Variants in EML1 observed in about 807,000 individuals in gnomAD.
The protein encoded by EML1 is echinoderm microtubule-associated protein-like 1.
A neutral mutation model predicts 110.4 loss-of-function variants in EML1; 27 were observed. That is an observed-to-expected ratio of 0.24 (90% CI 0.18 to 0.34). EML1 has a LOEUF of 0.34. Ranked by LOEUF, EML1 falls within the 10% of genes least tolerant of loss-of-function variation. The probability of loss-of-function intolerance (pLI) is 1.00; values close to 1 mark genes in which losing one functional copy is unlikely to be tolerated. For synonymous variants in EML1, 344 were observed against 385.8 expected (o/e 0.89, Z 1.27); for missense variants, 741 against 1,030.9 (o/e 0.72, Z 3.85).
At chr14:99,817,492 C>T (rs931959448) in intron 1 of EML1, among the ~76,000 whole-genome samples, 1 of 152,220 alleles carries the variant, frequency 6.6e-6, no homozygotes, top group South Asian at 2.1e-4. Flanking sequence ...TGAGGCAGCC[C>T]AGGTGCCGCC....
intron 1 of EML1, among the ~76,000 whole-genome samples, chr14:99,833,298 T>C (rs2058490028): frequency 6.6e-6 from 1 of 152,264 alleles, no homozygotes; most frequent in Non-Finnish European, 1.5e-5. Flanking sequence ...TTTGTACTTT[T>C]GTTAAAAATC....
At chr14:99,900,857 T>C (rs2059751478) in intron 8 of EML1, 72 bp from the exon 9 acceptor site, 1 of 1,319,130 alleles carries the variant, frequency 7.6e-7, no homozygotes, top group African/African-American at 1.5e-5. Context: ...CCAAGTAATC[T>C]TGTAGCTTCA....
At chr14:99,797,529 T>C (rs1039417374) in intron 1 of EML1, among the ~76,000 whole-genome samples, 1 of 152,248 alleles carries the variant, frequency 6.6e-6, no homozygotes, top group African/African-American at 2.4e-5. Flanking sequence ...CAGTCTTAAC[T>C]TTTTGAAACC....
intron 1 of EML1, among the ~76,000 whole-genome samples, chr14:99,757,338 CAAAA>C (rs565061924): frequency 1.0e-5 from 1 of 96,282 alleles, no homozygotes; most frequent in African/African-American, 3.6e-5. Context: ...GACTCCATTT[CAAAA>C]AAAAAAAAAA....
chr14:99,861,864 A>G (rs902317054), intron 2 of EML1, among the ~76,000 whole-genome samples: 1 of 152,224 alleles, frequency 6.6e-6, no homozygotes, highest in Non-Finnish European at 1.5e-5. Context: ...AGGTTCCCAT[A>G]GACCCAGTAC....
At chr14:99,843,202 A>G (rs1470472170) in intron 1 of EML1, among the ~76,000 whole-genome samples, 1 of 152,212 alleles carries the variant, frequency 6.6e-6, no homozygotes, top group Non-Finnish European at 1.5e-5. Context: ...AGTGAGCTGT[A>G]ATCGCACCAC....
At chr14:99,894,551 G>A in intron 5 of EML1, 78 bp from the exon 6 acceptor site, 1 of 1,497,914 alleles carries the variant, frequency 6.7e-7, no homozygotes, top group East Asian at 2.4e-5. Flanking sequence ...ATACTGAAAG[G>A]CTAGAGAGGA....
chr14:99,871,854 A>G (rs1475090413), intron 3 of EML1, among the ~76,000 whole-genome samples: 4 of 152,202 alleles, frequency 2.6e-5, no homozygotes, highest in African/African-American at 9.6e-5. Flanking sequence ...GGTTTAGAGT[A>G]GCACACAAAC....
At chr14:99,766,492 C>A (rs907451778) in intron 1 of EML1, among the ~76,000 whole-genome samples, 1 of 152,126 alleles carries the variant, frequency 6.6e-6, no homozygotes, top group African/African-American at 2.4e-5. Context: ...CCATGTCCGG[C>A]CTAATTTTTA....
chr14:99,899,872 T>A (rs2059732234), intron 8 of EML1, among the ~76,000 whole-genome samples: 1 of 152,138 alleles, frequency 6.6e-6, no homozygotes, highest in Non-Finnish European at 1.5e-5. Context: ...TAGTTATCTT[T>A]CAGTTTACCC....
intron 6 of EML1, among the ~76,000 whole-genome samples, chr14:99,895,150 A>T (rs1400111587): frequency 3.3e-5 from 5 of 152,114 alleles, no homozygotes; most frequent in African/African-American, 9.6e-5. Context: ...ATTCTTTCCA[A>T]AAGAATGACA....
chr14:99,775,818 T>C (rs749924894), intron 1 of EML1, among the ~76,000 whole-genome samples: 1 of 152,234 alleles, frequency 6.6e-6, no homozygotes. Flanking sequence ...CTTTGTGTAA[T>C]GGCAGTATTG....
chr14:99,868,428 C>T (rs1236827421), intron 3 of EML1, among the ~76,000 whole-genome samples: 3 of 152,182 alleles, frequency 2.0e-5, no homozygotes. Context: ...TTCTCCGCTG[C>T]AGCCATTGGG....
At chr14:99,925,150 A>G (rs2060211180) in intron 17 of EML1, among the ~76,000 whole-genome samples, 3 of 152,122 alleles carry the variant, frequency 2.0e-5, no homozygotes, top group African/African-American at 4.8e-5. Context: ...AGTTGGTGTT[A>G]TATTAAATAT....
rs556148184 is a variant in EML1 at position 99,940,236 on chromosome 14, C to T, written c.*124C>T. 8 of 1,300,674 alleles carry T rather than the reference C, an allele frequency of 6.2e-6. No individual in the cohort carries two copies. Among genetic ancestry groups the T allele is most frequent in the African/African-American group, 3.0e-5 (2 of 65,952 alleles). The allele number at this position is 1,300,674 out of a possible 1,614,324, so 80.6% of individuals were successfully genotyped here. On this transcript the variant is annotated 3_prime_UTR_variant, in exon 22 of 22. Coordinates refer to ENST00000262233, the MANE Select transcript of EML1 (RefSeq NM_004434.3). ...CAAACCTCAGGAAAACTGTGCCCTC[C>T]GCCGGCTACCTTAGCTTAGCGTGTC... is the stretch of plus-strand genomic sequence containing the variant.
chr14:99,857,312 C>A (rs2058920444), intron 2 of EML1, among the ~76,000 whole-genome samples: 1 of 151,986 alleles, frequency 6.6e-6, no homozygotes, highest in Non-Finnish European at 1.5e-5. Context: ...AAAATAAAGT[C>A]TATAATACCA....
chr14:99,913,484 T>A (rs1234523135), intron 13 of EML1, among the ~76,000 whole-genome samples: 1 of 152,088 alleles, frequency 6.6e-6, no homozygotes, highest in Non-Finnish European at 1.5e-5. Context: ...GCCTATATTC[T>A]TTACTTTCTG....
intron 17 of EML1, among the ~76,000 whole-genome samples, chr14:99,928,204 T>A (rs1595497489): frequency 3.5e-5 from 3 of 86,114 alleles, no homozygotes; most frequent in East Asian, 3.4e-4. Flanking sequence ...GTGGTGGTGG[T>A]GGTGATGGTG....
At position 99,924,362 on chromosome 14, in the gene EML1, G is replaced by C. The variant is rs528165868; in HGVS notation, c.1909+3485G>C. Among the ~76,000 whole-genome samples, 6 of 152,256 alleles carry C rather than the reference G, an allele frequency of 3.9e-5. No homozygotes were observed. The East Asian group carries it at 1.2e-3, about 29-fold the overall frequency. On this transcript the variant is annotated intron_variant, in intron 17 of 21. Transcript: ENST00000262233. Reference sequence around the variant, plus strand: ...CCAATCCACAGGGGCTACCTTCCAAGACCCCACACAGGTGCCTGAAACTAT... The same window carrying C: ...CCAATCCACAGGGGCTACCTTCCAACACCCCACACAGGTGCCTGAAACTAT...
Sources: allele counts gnomAD v4.1 joint callset (sites outside exome capture counted in the v4.1 genomes callset), GRCh38; gene constraint gnomAD v4.1.1; transcripts MANE v1.5; gene names NCBI Gene and HGNC (gene_info 2026-07-23, HGNC 2026-07-21).